The following ENOX1 variants were observed in gnomAD, a reference collection of about 807,000 sequenced individuals.
ENOX1 encodes the protein candidate growth-related and time keeping constitutive hydroquinone (NADH) oxidase.
In ENOX1, 42 loss-of-function variants were observed where a neutral mutation model predicts 82.5. The ratio of observed to expected loss-of-function variants is 0.51; its 90% CI spans 0.40 to 0.66. The LOEUF is 0.66. ENOX1 is among the 30% of genes least tolerant of loss of function. The probability of loss-of-function intolerance (pLI) is 0.00; values close to 1 mark genes in which losing one functional copy is unlikely to be tolerated. For missense variants in ENOX1, 608 were observed against 811.6 expected (o/e 0.75, Z 3.05); for synonymous variants, 271 against 282.2 (o/e 0.96, Z 0.40).
chr13:43,408,241 C>A (rs910306580), intron 5 of ENOX1, among the ~76,000 whole-genome samples: 1 of 152,126 alleles, frequency 6.6e-6, no homozygotes, highest in African/African-American at 2.4e-5. Flanking sequence ...CTGGGAAATC[C>A]TTTTGATAAA....
chr13:43,542,620 G>A (rs904005757), intron 2 of ENOX1, among the ~76,000 whole-genome samples: 3 of 151,960 alleles, frequency 2.0e-5, no homozygotes, highest in African/African-American at 7.3e-5. Context: ...TATTTTAGTA[G>A]AGATGGGGTT....
intron 3 of ENOX1, among the ~76,000 whole-genome samples, chr13:43,416,451 C>T (rs1233181611): frequency 4.4e-5 from 6 of 137,516 alleles, no homozygotes; most frequent in Admixed American, 1.4e-4. Flanking sequence ...GCGCTCCTCA[C>T]ATCCCAGATG....
chr13:43,455,526 T>C (rs1028004897), intron 3 of ENOX1, among the ~76,000 whole-genome samples: 3 of 152,214 alleles, frequency 2.0e-5, no homozygotes, highest in African/African-American at 7.2e-5. Flanking sequence ...TACTTGTCTC[T>C]GAATCATTTT....
intron 2 of ENOX1, among the ~76,000 whole-genome samples, chr13:43,575,004 C>T (rs1331903364): frequency 6.6e-6 from 1 of 152,172 alleles, no homozygotes; most frequent in Non-Finnish European, 1.5e-5. Context: ...GAGAGAGCCA[C>T]ATTCTGCTTA....
At chr13:43,531,546 C>T (rs948415840) in intron 2 of ENOX1, among the ~76,000 whole-genome samples, 4 of 148,484 alleles carry the variant, frequency 2.7e-5, no homozygotes, top group African/African-American at 9.9e-5. Context: ...ACTAGAAATA[C>T]CATTTGACCC....
At chr13:43,536,557 A>G (rs2078469336) in intron 2 of ENOX1, among the ~76,000 whole-genome samples, 2 of 152,180 alleles carry the variant, frequency 1.3e-5, no homozygotes. Flanking sequence ...TTCACTTAAA[A>G]AAAAAAACTC....
At chr13:43,612,991 G>A (rs2082261696) in intron 2 of ENOX1, among the ~76,000 whole-genome samples, 1 of 151,992 alleles carries the variant, frequency 6.6e-6, no homozygotes, top group Non-Finnish European at 1.5e-5. Context: ...TTTGATGATG[G>A]CATTTGAAGA....
chr13:43,383,206 T>G (rs2153576703), intron 5 of ENOX1, among the ~76,000 whole-genome samples: 2 of 152,258 alleles, frequency 1.3e-5, no homozygotes, highest in Middle Eastern at 6.8e-3. Flanking sequence ...GCGAGGAAAT[T>G]TCTCCAAAAT....
intron 1 of ENOX1, among the ~76,000 whole-genome samples, chr13:43,753,304 C>T (rs542409201): frequency 2.0e-3 from 309 of 152,264 alleles, no homozygotes; most frequent in South Asian, 3.9e-3. Flanking sequence ...CAAATACAAG[C>T]TTTAACTCTC....
In ENOX1 at chr13:43,260,916, G is replaced by C. The variant is rs114686829; in HGVS notation, c.1611+4482C>G. ...TAAATGGTTGACTTGCCTATCTGTC[G>C]TTAATATATCCAGTTCCAACTACAA... is the stretch of plus-strand genomic sequence containing the variant. On this transcript the variant is annotated intron_variant, in intron 14 of 16. Coordinates refer to ENST00000690772, the MANE Select transcript of ENOX1 (RefSeq NM_001347969.2). Among the ~76,000 whole-genome samples the C allele has an allele frequency of 1.7e-3, 265 of 152,288 alleles. 1 individual carries two copies. Among genetic ancestry groups the C allele is most frequent in the African/African-American group, 6.2e-3 (257 of 41,560 alleles).
intron 11 of ENOX1, among the ~76,000 whole-genome samples, chr13:43,301,414 G>A (rs1247117788): frequency 6.6e-6 from 1 of 151,872 alleles, no homozygotes; most frequent in Non-Finnish European, 1.5e-5. Context: ...CATTATTTTA[G>A]GGGATCTCTT....
rs141703774 is a variant in ENOX1, at chr13:43,578,348, A to G, written c.-219+89131T>C. On this transcript the variant is annotated intron_variant, in intron 2 of 16. Transcript: ENST00000690772. ...CAAACAACTGTACACTAGATAAAAA[A>G]GAAGTGGTAATTTGAGGAAAATGTA... is the stretch of plus-strand genomic sequence containing the variant. Among the ~76,000 whole-genome samples, 100 of 152,340 alleles carry G rather than the reference A, an allele frequency of 6.6e-4. 1 individual carries two copies. The East Asian group carries it at 0.017, about 26-fold the overall frequency.
chr13:43,606,610 T>C (rs566212020), intron 2 of ENOX1, among the ~76,000 whole-genome samples: 8 of 152,220 alleles, frequency 5.3e-5, no homozygotes, highest in Non-Finnish European at 1.0e-4. Flanking sequence ...ATTGTACTAA[T>C]TGATATAGAG....
chr13:43,514,581 AC>A (rs906565540), intron 2 of ENOX1, among the ~76,000 whole-genome samples: 1 of 151,940 alleles, frequency 6.6e-6, no homozygotes, highest in African/African-American at 2.4e-5. Context: ...TTTCCTCCCC[AC>A]CCAAGTTCTA....
intron 15 of ENOX1, among the ~76,000 whole-genome samples, chr13:43,228,218 A>G (rs1413005399): frequency 6.9e-6 from 1 of 144,204 alleles, no homozygotes; most frequent in Non-Finnish European, 1.5e-5. Context: ...AGACTATTTT[A>G]TGGTCCTCTG....
intron 3 of ENOX1, among the ~76,000 whole-genome samples, chr13:43,454,916 G>A (rs896497904): frequency 2.0e-5 from 3 of 150,138 alleles, no homozygotes; most frequent in African/African-American, 4.9e-5. Flanking sequence ...GGAGCCTCCC[G>A]TCCAGCCCCT....
intron 5 of ENOX1, among the ~76,000 whole-genome samples, chr13:43,396,893 C>T (rs1319077385): frequency 6.6e-6 from 1 of 152,234 alleles, no homozygotes; most frequent in Non-Finnish European, 1.5e-5. Flanking sequence ...CAGCTAGGCA[C>T]CACAAGGGCC....
At chr13:43,618,977 A>AT (rs56048836) in intron 2 of ENOX1, among the ~76,000 whole-genome samples, 20,355 of 116,770 alleles carry the variant, frequency 0.17, 1,955 homozygotes, top group East Asian at 0.27. Context: ...ATAGTCCTAA[A>AT]TTTTTTTTTT....
intron 2 of ENOX1, among the ~76,000 whole-genome samples, chr13:43,500,570 T>A (rs1474607991): frequency 6.6e-6 from 1 of 152,024 alleles, no homozygotes; most frequent in African/African-American, 2.4e-5. Context: ...GTCCTCCTTA[T>A]AAGAAGTGTG....
Sources: gnomAD v4.1 joint callset for allele counts (sites outside exome capture counted in the v4.1 genomes callset) on GRCh38, gnomAD v4.1.1 for gene constraint, MANE v1.5 for transcripts, NCBI Gene and HGNC (gene_info 2026-07-23, HGNC 2026-07-21) for gene names.